Variants in TNIK observed in about 807,000 individuals in gnomAD.
TNIK encodes TRAF2 and NCK interacting kinase.
In TNIK, 49 loss-of-function variants were observed where a neutral mutation model predicts 191.3. That is an observed-to-expected ratio of 0.26 (90% confidence interval 0.20 to 0.32). The LOEUF (loss-of-function observed/expected upper bound fraction) is 0.32. TNIK is among the 10% of genes least tolerant of loss of function. TNIK has a pLI of 1.00. For synonymous variants in TNIK, 594 were observed against 600.9 expected (o/e 0.99, Z 0.17); for missense variants, 1,155 against 1,702.3 (o/e 0.68, Z 5.66).
intron 18 of TNIK, 37 bp from the exon 19 acceptor site, chr3:171,110,914 A>G: frequency 2.6e-6 from 4 of 1,524,702 alleles, no homozygotes; most frequent in South Asian, 1.3e-5. Context: ...TACACTCTCC[A>G]GACCTTGCCA....
chr3:171,130,243 G>A (rs1412116784), intron 15 of TNIK, among the ~76,000 whole-genome samples: 2 of 152,082 alleles, frequency 1.3e-5, no homozygotes, highest in Non-Finnish European at 2.9e-5. Context: ...TACAAAGTAA[G>A]TCTGTTTTTA....
intron 2 of TNIK, among the ~76,000 whole-genome samples, chr3:171,343,913 T>C (rs1711712280): frequency 1.3e-5 from 2 of 152,158 alleles, no homozygotes; most frequent in South Asian, 4.1e-4. Context: ...GGGAGTTCCT[T>C]CCTCATATGA....
In TNIK at chr3:171,285,739, A is replaced by C. The variant is rs6805756; in HGVS notation, c.124-57518T>G. On this transcript the variant is annotated intron_variant, in intron 2 of 32. Transcript: ENST00000436636. Reference sequence around the variant, plus strand: ...TGGCAGATAAGAAAGCTCTGGCCCAATTGTTCTCAACTCTGGCTGTATATT... The same window carrying C: ...TGGCAGATAAGAAAGCTCTGGCCCACTTGTTCTCAACTCTGGCTGTATATT... Among the ~76,000 whole-genome samples the C allele has an allele frequency of 1.7e-3, 257 of 152,178 alleles. 2 individuals are homozygous for C. Among genetic ancestry groups the C allele is most frequent in the African/African-American group, 5.8e-3 (239 of 41,518 alleles).
At chr3:171,166,626 A>G (rs1040564782) in intron 10 of TNIK, among the ~76,000 whole-genome samples, 2 of 152,228 alleles carry the variant, frequency 1.3e-5, no homozygotes, top group Admixed American at 6.5e-5. Context: ...TATCACTGCA[A>G]CTATAAAAAA....
In TNIK at chr3:171,360,365, C is replaced by T. The variant is rs867133192; in HGVS notation, c.123+9255G>A. Among the ~76,000 whole-genome samples, 15 of 152,188 alleles carry T rather than the reference C, an allele frequency of 9.9e-5. 1 individual carries two copies. The highest frequency in any genetic ancestry group is 1.5e-4 in the Non-Finnish European group (10 of 68,042). Reference sequence around the variant, plus strand: ...ATTTTGCTAATGGTTTAGAGTATTGCTGTAACAGTTTTGCAGTTGGAAAAG... The same window carrying T: ...ATTTTGCTAATGGTTTAGAGTATTGTTGTAACAGTTTTGCAGTTGGAAAAG... On this transcript the variant is annotated intron_variant, in intron 2 of 32. Transcript: ENST00000436636.
intron 1 of TNIK, among the ~76,000 whole-genome samples, chr3:171,398,907 A>G (rs1371830115): frequency 2.0e-5 from 3 of 152,186 alleles, no homozygotes; most frequent in Non-Finnish European, 2.9e-5. Flanking sequence ...TCTGCAGCAC[A>G]GGTGTTCTTG....
chr3:171,145,736 T>A (rs1423956748), intron 12 of TNIK, among the ~76,000 whole-genome samples: 1 of 151,888 alleles, frequency 6.6e-6, no homozygotes, highest in African/African-American at 2.4e-5. Context: ...TAAGAGATAA[T>A]CCTCATGCAT....
intron 19 of TNIK, among the ~76,000 whole-genome samples, chr3:171,108,616 C>T (rs1361846206): frequency 1.3e-5 from 2 of 152,180 alleles, no homozygotes; most frequent in Non-Finnish European, 2.9e-5. Context: ...TTCTCAGTCA[C>T]TATGCTAAAT....
intron 2 of TNIK, among the ~76,000 whole-genome samples, chr3:171,244,100 G>A (rs555451584): frequency 6.2e-5 from 9 of 145,542 alleles, no homozygotes; most frequent in African/African-American, 2.0e-4. Context: ...TCGCTCTGTC[G>A]CCCGCCGGGG....
At chr3:171,206,606 G>C (rs1363702614) in intron 4 of TNIK, among the ~76,000 whole-genome samples, 1 of 152,038 alleles carries the variant, frequency 6.6e-6, no homozygotes, top group Non-Finnish European at 1.5e-5. Flanking sequence ...AAAACTTCCA[G>C]GGGGCTTTCA....
At chr3:171,086,356 G>A (rs1235967410) in intron 24 of TNIK, among the ~76,000 whole-genome samples, 2 of 152,122 alleles carry the variant, frequency 1.3e-5, no homozygotes, top group African/African-American at 4.8e-5. Flanking sequence ...TTTGATCTTT[G>A]GAAGATGTCT....
chr3:171,258,145 C>T (rs577585246), intron 2 of TNIK, among the ~76,000 whole-genome samples: 2 of 152,232 alleles, frequency 1.3e-5, no homozygotes, highest in South Asian at 4.2e-4. Flanking sequence ...TGGGAAGACA[C>T]GTGGGCAGTA....
chr3:171,316,736 G>T (rs1041113579), intron 2 of TNIK, among the ~76,000 whole-genome samples: 1 of 151,848 alleles, frequency 6.6e-6, no homozygotes, highest in African/African-American at 2.4e-5. Context: ...AAAATATATA[G>T]GAATGGTTCA....
intron 2 of TNIK, among the ~76,000 whole-genome samples, chr3:171,257,396 C>T (rs1747014634): frequency 6.6e-6 from 1 of 152,244 alleles, no homozygotes; most frequent in Non-Finnish European, 1.5e-5. Flanking sequence ...CCACTCTCAG[C>T]TTCAGTCACC....
At chr3:171,131,382 A>G (rs1369965858) in intron 15 of TNIK, among the ~76,000 whole-genome samples, 1 of 136,666 alleles carries the variant, frequency 7.3e-6, no homozygotes, top group South Asian at 2.5e-4. Flanking sequence ...AAAGAAATGA[A>G]CAGGGCAGAA....
intron 2 of TNIK, among the ~76,000 whole-genome samples, chr3:171,273,019 A>C (rs1188783805): frequency 1.3e-5 from 2 of 152,222 alleles, no homozygotes; most frequent in Non-Finnish European, 2.9e-5. Context: ...TGGTCAGGAC[A>C]TCTGATGTAT....
intron 2 of TNIK, among the ~76,000 whole-genome samples, chr3:171,362,492 G>A (rs1715130094): frequency 1.3e-5 from 2 of 152,144 alleles, no homozygotes; most frequent in South Asian, 4.1e-4. Flanking sequence ...TGTAGAATGT[G>A]GAGCACAAAG....
chr3:171,077,478 A>T (rs923287286), intron 28 of TNIK, among the ~76,000 whole-genome samples: 8 of 152,306 alleles, frequency 5.3e-5, no homozygotes, highest in Admixed American at 1.3e-4. Flanking sequence ...GGCCTTATGC[A>T]ATCATTTGGA....
chr3:171,296,279 G>A (rs1167934284), intron 2 of TNIK, among the ~76,000 whole-genome samples: 3 of 152,074 alleles, frequency 2.0e-5, no homozygotes, highest in South Asian at 4.1e-4. Flanking sequence ...AGGCAGCCAA[G>A]GCAAATTAAC....
Sources: allele counts gnomAD v4.1 joint callset (sites outside exome capture counted in the v4.1 genomes callset), GRCh38; gene constraint gnomAD v4.1.1; transcripts MANE v1.5; gene names NCBI Gene and HGNC (gene_info 2026-07-23, HGNC 2026-07-21).